The following SETD3 variants were observed in gnomAD, a reference collection of about 807,000 sequenced individuals.
SETD3 encodes the protein SET domain containing 3, actin N3(tau)-histidine methyltransferase, also known as actin-histidine N-methyltransferase.
A neutral mutation model predicts 63.0 loss-of-function variants in SETD3; 19 were observed. The observed-to-expected ratio is 0.30, with a 90% CI of 0.21 to 0.44. SETD3 has a LOEUF of 0.44. Ranked by LOEUF, SETD3 falls within the 20% of genes least tolerant of loss-of-function variation. The pLI is 1.00. For missense variants in SETD3, 587 were observed against 728.5 expected (o/e 0.81, Z 2.24); for synonymous variants, 286 against 264.1 (o/e 1.08, Z -0.80).
chr14:99,478,065 C>T (rs1169405269), intron 1 of SETD3, among the ~76,000 whole-genome samples: 5 of 152,008 alleles, frequency 3.3e-5, no homozygotes, highest in Admixed American at 3.3e-4. Flanking sequence ...ATAAACACTT[C>T]TATGACTATA....
At position 99,462,586 on chromosome 14, in the gene SETD3, C is replaced by T. The variant is rs528115816; in HGVS notation, c.196+900G>A. Among the ~76,000 whole-genome samples the T allele has an allele frequency of 2.8e-4, 42 of 152,278 alleles. No individual in the cohort carries two copies. In the South Asian group the frequency reaches 7.7e-3, roughly 28 times the overall value. On this transcript the variant is annotated intron_variant, in intron 3 of 12. Transcript: ENST00000331768. ...TGTCAGGTATAGTAAACAGTATCTA[C>T]GCAGAAGAGAAACTAAGGCGCTACC...
chr14:99,468,878 T>C (rs913641996), intron 1 of SETD3, among the ~76,000 whole-genome samples: 5 of 152,158 alleles, frequency 3.3e-5, no homozygotes, highest in Admixed American at 6.6e-5. Context: ...CTTGAGGACA[T>C]ACAGCCTAGG....
At chr14:99,468,243 C>T in intron 1 of SETD3, among the ~76,000 whole-genome samples, 1 of 151,966 alleles carries the variant, frequency 6.6e-6, no homozygotes, top group Non-Finnish European at 1.5e-5. Flanking sequence ...ACAACCCTGC[C>T]AGCAGCCACT....
intron 11 of SETD3, among the ~76,000 whole-genome samples, chr14:99,403,195 C>T (rs948808691): frequency 6.6e-6 from 1 of 152,096 alleles, no homozygotes; most frequent in Admixed American, 6.5e-5. Flanking sequence ...GACGTCAAAC[C>T]CTGGACTTGT....
intron 1 of SETD3, among the ~76,000 whole-genome samples, chr14:99,474,590 C>G (rs1895873336): frequency 6.6e-6 from 1 of 152,052 alleles, no homozygotes; most frequent in Non-Finnish European, 1.5e-5. Flanking sequence ...GTTGGCCAGG[C>G]ACAGTGGCTC....
chr14:99,441,432 G>T (rs1893805148), intron 6 of SETD3, among the ~76,000 whole-genome samples: 1 of 152,214 alleles, frequency 6.6e-6, no homozygotes, highest in Non-Finnish European at 1.5e-5. Flanking sequence ...TGCCACAGTG[G>T]TGCCCAAGGA....
chr14:99,446,864 G>A (rs1447116773), intron 6 of SETD3, among the ~76,000 whole-genome samples: 1 of 152,042 alleles, frequency 6.6e-6, no homozygotes, highest in African/African-American at 2.4e-5. Context: ...GCCTCAGGGG[G>A]ACACACCAGT....
upstream of SETD3, among the ~76,000 whole-genome samples, chr14:99,485,265 C>G (rs1181658255): frequency 6.6e-6 from 1 of 152,168 alleles, no homozygotes. Flanking sequence ...CGCTTGTGGA[C>G]CGAGGTTCTT....
intron 6 of SETD3, among the ~76,000 whole-genome samples, chr14:99,455,210 G>T (rs965032785): frequency 1.3e-5 from 2 of 152,194 alleles, no homozygotes; most frequent in African/African-American, 4.8e-5. Context: ...ACCCGGCCCA[G>T]GGGCCAGGGT....
In SETD3 at chr14:99,433,661, T is replaced by C. The variant is rs138438489; in HGVS notation, c.676-19727A>G. The stretch of plus-strand genomic sequence containing the variant: ...ACCATGTTAGCCAGGATGGTCTCGA[T>C]CTCCTGATCTCATGATCCACCTGCC... On this transcript the variant is annotated intron_variant, in intron 6 of 12. Transcript: ENST00000331768. 9.2e-5 allele frequency among the ~76,000 whole-genome samples: 14 copies of C among 152,240 alleles called. No homozygotes were observed. In the East Asian group the frequency reaches 2.1e-3, roughly 23 times the overall value.
intron 4 of SETD3, among the ~76,000 whole-genome samples, chr14:99,459,394 AC>A (rs2139775806): frequency 6.6e-6 from 1 of 152,358 alleles, no homozygotes; most frequent in East Asian, 1.9e-4. Context: ...CCTGTTTCCA[AC>A]AGAAAAACTA....
At chr14:99,480,659 G>A (rs1055704780) in intron 1 of SETD3, 69 bp downstream of exon 1, 1 of 150,622 alleles carries the variant, frequency 6.6e-6, no homozygotes, top group Admixed American at 6.6e-5. Context: ...CGGCCTCGCA[G>A]AGCTCGGAGA....
intron 1 of SETD3, among the ~76,000 whole-genome samples, chr14:99,469,469 C>G (rs1450723026): frequency 6.6e-6 from 1 of 152,242 alleles, no homozygotes; most frequent in Non-Finnish European, 1.5e-5. Context: ...ATAGGCTGGG[C>G]GTAGTGGCTC....
intron 1 of SETD3, among the ~76,000 whole-genome samples, chr14:99,470,275 A>G (rs1225925559): frequency 6.6e-6 from 1 of 152,168 alleles, no homozygotes; most frequent in Non-Finnish European, 1.5e-5. Flanking sequence ...CACGCCCAAC[A>G]AAGTCAGTAA....
chr14:99,479,851 T>C (rs2139832343), intron 1 of SETD3, among the ~76,000 whole-genome samples: 1 of 152,362 alleles, frequency 6.6e-6, no homozygotes, highest in East Asian at 1.9e-4. Flanking sequence ...AACCCGCGAA[T>C]GCCTTTGCAA....
chr14:99,430,936 A>G lies in SETD3; in HGVS notation c.676-17002T>C, dbSNP rs568685750. Among the ~76,000 whole-genome samples, 9 of 152,342 alleles carry G rather than the reference A, an allele frequency of 5.9e-5. No homozygotes were observed. In the South Asian group the frequency reaches 1.4e-3, roughly 25 times the overall value. Reference sequence around the variant, plus strand: ...TCAGCTCTAATCTAACAGTAACAATAAAAGTAACAATGAACACTGAGTGCC... The same window carrying G: ...TCAGCTCTAATCTAACAGTAACAATGAAAGTAACAATGAACACTGAGTGCC... On this transcript the variant is annotated intron_variant, in intron 6 of 12. Coordinates refer to ENST00000331768, the MANE Select transcript of SETD3 (RefSeq NM_032233.3).
At chr14:99,400,528 T>C (rs1891333956) in intron 11 of SETD3, among the ~76,000 whole-genome samples, 1 of 152,212 alleles carries the variant, frequency 6.6e-6, no homozygotes, top group Non-Finnish European at 1.5e-5. Flanking sequence ...TGAGGGACAC[T>C]GAGAGCCTTT....
At chr14:99,473,373 T>C (rs1895807084) in intron 1 of SETD3, among the ~76,000 whole-genome samples, 1 of 152,224 alleles carries the variant, frequency 6.6e-6, no homozygotes, top group Admixed American at 6.5e-5. Context: ...ATGAACTGAT[T>C]TGGATGTAAT....
At position 99,413,941 on chromosome 14, in the gene SETD3, A is replaced by G; in HGVS notation, c.676-7T>C. The stretch of plus-strand genomic sequence containing the variant: ...TGTTGGCATGAGGATGGGTCTGGGA[A>G]TTAGAAGTTTTAGAAAGCAGAGGTG... On this transcript the variant is annotated splice_region_variant and splice_polypyrimidine_tract_variant and intron_variant, in intron 6 of 12. Coordinates refer to ENST00000331768, the MANE Select transcript of SETD3 (RefSeq NM_032233.3). The G allele has an allele frequency of 1.2e-6, 2 of 1,613,420 alleles. No individual in the cohort carries two copies. The highest frequency in any genetic ancestry group is 8.5e-7 in the Non-Finnish European group (1 of 1,179,346).
Sources: allele counts gnomAD v4.1 joint callset (sites outside exome capture counted in the v4.1 genomes callset), GRCh38; gene constraint gnomAD v4.1.1; transcripts MANE v1.5; gene names NCBI Gene and HGNC (gene_info 2026-07-23, HGNC 2026-07-21).